The following PDE11A variants were observed in gnomAD, a reference collection of about 807,000 sequenced individuals.
The protein encoded by PDE11A is dual 3',5'-cyclic-AMP and -GMP phosphodiesterase 11A.
PDE11A carries 100 observed loss-of-function variants against 100.5 expected under a neutral mutation model. The ratio of observed to expected loss-of-function variants is 1.00; its 90% confidence interval spans 0.85 to 1.18. The LOEUF (loss-of-function observed/expected upper bound fraction) is 1.18. Ranked by LOEUF, PDE11A falls within the 50% of genes most tolerant of loss-of-function variation. PDE11A has a pLI of 0.00. For missense variants in PDE11A, 1,141 were observed against 1,152.6 expected, an observed-to-expected ratio of 0.99 and a Z score of 0.15; for synonymous variants, 381 against 420.8, an observed-to-expected ratio of 0.91 and a Z score of 1.16.
chr2:177,625,122 A>G lies in PDE11A; in HGVS notation c.*4285T>C, dbSNP rs1173038408. The stretch of plus-strand genomic sequence containing the variant: ...TGTATTGATGACTACATCTTTCATC[A>G]TAATTAGAGACAGGCTCAAGATACA... On this transcript the variant is annotated 3_prime_UTR_variant, in exon 20 of 20. Coordinates refer to ENST00000286063, the MANE Select transcript of PDE11A (RefSeq NM_016953.4). The G allele has an allele frequency of 6.5e-6, 1 of 152,680 alleles. No individual in the cohort carries two copies. The highest frequency in any genetic ancestry group is 1.5e-5 in the Non-Finnish European group (1 of 68,046). The allele number at this position is 152,680 out of a possible 1,614,324, so 9.5% of individuals were successfully genotyped here.
At position 178,014,462 on chromosome 2, in the gene PDE11A, T is replaced by C. The variant is rs2086309811; in HGVS notation, c.913-2A>G. The C allele has an allele frequency of 3.1e-6, 5 of 1,611,524 alleles. No individual in the cohort carries two copies. The highest frequency in any genetic ancestry group is 4.2e-6 in the Non-Finnish European group (5 of 1,177,928). ...GATTTCATCATTGAATCGTCGATCCTAAAAATAAGACAAAGAAAGCATTAA... is the reference window on the plus strand; with the variant it reads ...GATTTCATCATTGAATCGTCGATCCCAAAAATAAGACAAAGAAAGCATTAA... On this transcript the variant is annotated splice_acceptor_variant, in intron 1 of 19. Coordinates refer to ENST00000286063, the MANE Select transcript of PDE11A (RefSeq NM_016953.4). LOFTEE classifies it high-confidence loss of function.
intron 17 of PDE11A, among the ~76,000 whole-genome samples, chr2:177,672,590 A>G (rs542330888): frequency 6.6e-6 from 1 of 152,334 alleles, no homozygotes; most frequent in East Asian, 1.9e-4. Flanking sequence ...TACAATTATA[A>G]CTAAAAGCTA....
chr2:177,668,781 T>C (rs997562450), intron 18 of PDE11A, among the ~76,000 whole-genome samples: 6 of 152,214 alleles, frequency 3.9e-5, no homozygotes, highest in African/African-American at 1.4e-4. Context: ...TCACTAAATC[T>C]ACTGTGCTAT....
chr2:177,679,610 A>T (rs1414055500), intron 16 of PDE11A, among the ~76,000 whole-genome samples: 1 of 152,210 alleles, frequency 6.6e-6, no homozygotes, highest in Non-Finnish European at 1.5e-5. Context: ...GGCATTAAAA[A>T]TTATACAAAA....
chr2:178,006,227 T>G (rs981582233), intron 2 of PDE11A, among the ~76,000 whole-genome samples: 1 of 152,144 alleles, frequency 6.6e-6, no homozygotes, highest in African/African-American at 2.4e-5. Flanking sequence ...TGGAAAAAAA[T>G]GTTAAACTAT....
At chr2:178,055,651 T>A (rs891581144) in intron 1 of PDE11A, among the ~76,000 whole-genome samples, 1 of 152,136 alleles carries the variant, frequency 6.6e-6, no homozygotes. Flanking sequence ...ATATTTCTAT[T>A]GTAATAATAA....
At chr2:177,864,916 C>T (rs751985593) in intron 5 of PDE11A, among the ~76,000 whole-genome samples, 13 of 152,278 alleles carry the variant, frequency 8.5e-5, no homozygotes, top group Admixed American at 3.9e-4. Flanking sequence ...CTTCTTGCTA[C>T]TACACAATGC....
intron 19 of PDE11A, among the ~76,000 whole-genome samples, chr2:177,636,381 T>C (rs1206672880): frequency 6.6e-6 from 1 of 152,188 alleles, no homozygotes; most frequent in Non-Finnish European, 1.5e-5. Context: ...ACTCCCCAAA[T>C]GGTACTTGAA....
intron 2 of PDE11A, chr2:177,953,243 A>G (rs2085524699): frequency 6.6e-6 from 1 of 152,214 alleles, no homozygotes; most frequent in African/African-American, 2.4e-5. Context: ...CACATTAGAA[A>G]GAAGGGCAAC....
intron 1 of PDE11A, among the ~76,000 whole-genome samples, chr2:178,016,229 C>T (rs889112439): frequency 2.4e-4 from 35 of 148,256 alleles, no homozygotes; most frequent in African/African-American, 7.2e-4. Context: ...GTGATCCACT[C>T]GCCTTGGCCT....
At chr2:177,642,975 T>C (rs1277942834) in intron 19 of PDE11A, among the ~76,000 whole-genome samples, 1 of 152,220 alleles carries the variant, frequency 6.6e-6, no homozygotes, top group Non-Finnish European at 1.5e-5. Context: ...CCATGTAAGA[T>C]GTGACTTCCT....
chr2:177,858,386 C>A (rs1296313714), intron 5 of PDE11A, among the ~76,000 whole-genome samples: 1 of 147,554 alleles, frequency 6.8e-6, no homozygotes, highest in Non-Finnish European at 1.5e-5. Context: ...ACAATTAACT[C>A]AAACAAATTT....
chr2:178,095,900 G>C (rs1360208012), intron 2 of PDE11A, among the ~76,000 whole-genome samples: 1 of 152,184 alleles, frequency 6.6e-6, no homozygotes, highest in East Asian at 1.9e-4. Flanking sequence ...AACTGGAGTG[G>C]CTGGGAAGCA....
chr2:177,860,668 A>T (rs1574226046), intron 5 of PDE11A, among the ~76,000 whole-genome samples: 2 of 151,894 alleles, frequency 1.3e-5, no homozygotes, highest in South Asian at 4.1e-4. Flanking sequence ...AGACCCTTAT[A>T]AATATAGATG....
intron 2 of PDE11A, among the ~76,000 whole-genome samples, chr2:177,989,185 C>G (rs1272429573): frequency 2.0e-5 from 3 of 152,148 alleles, no homozygotes; most frequent in Non-Finnish European, 4.4e-5. Context: ...GCCTCTATTA[C>G]ATCAGAAAAT....
At chr2:177,691,035 T>C (rs367822629) in intron 15 of PDE11A, among the ~76,000 whole-genome samples, 12 of 152,292 alleles carry the variant, frequency 7.9e-5, no homozygotes, top group African/African-American at 2.9e-4. Flanking sequence ...TTTTGTGGGT[T>C]CCAAGAGTGA....
At chr2:177,968,318 A>G (rs1369889252) in intron 2 of PDE11A, among the ~76,000 whole-genome samples, 2 of 152,242 alleles carry the variant, frequency 1.3e-5, no homozygotes, top group Non-Finnish European at 2.9e-5. Context: ...TGGTTCTCAA[A>G]GCAATAAAAT....
chr2:177,909,291 T>C (rs1368957073), intron 2 of PDE11A, among the ~76,000 whole-genome samples: 1 of 152,194 alleles, frequency 6.6e-6, no homozygotes, highest in African/African-American at 2.4e-5. Flanking sequence ...TGTACTCCAA[T>C]TTTTCAAGTT....
intron 2 of PDE11A, among the ~76,000 whole-genome samples, chr2:177,950,052 A>G (rs570574518): frequency 1.6e-4 from 25 of 152,354 alleles, no homozygotes; most frequent in African/African-American, 5.3e-4. Context: ...TACGTGATCT[A>G]CGTGATTCAA....
Sources: gnomAD v4.1 joint callset for allele counts (sites outside exome capture counted in the v4.1 genomes callset) on GRCh38, gnomAD v4.1.1 for gene constraint, MANE v1.5 for transcripts, NCBI Gene and HGNC (gene_info 2026-07-23, HGNC 2026-07-21) for gene names.